Variants in PSMD7 observed in about 807,000 individuals in gnomAD.
PSMD7 encodes the protein 26S proteasome non-ATPase regulatory subunit 7.
In PSMD7, 13 loss-of-function variants were observed where a neutral mutation model predicts 36.4. The ratio of observed to expected loss-of-function variants is 0.36; its 90% CI spans 0.23 to 0.57. The LOEUF (loss-of-function observed/expected upper bound fraction) is 0.57, where lower values mean the gene tolerates loss of function less well. Ranked by LOEUF, PSMD7 falls within the 20% of genes least tolerant of loss-of-function variation. The pLI is 0.83. For synonymous variants in PSMD7, 186 were observed against 151.0 expected (o/e 1.23, Z -1.70); for missense variants, 298 against 393.6 (o/e 0.76, Z 2.06).
intron 5 of PSMD7, among the ~76,000 whole-genome samples, chr16:74,302,886 G>T (rs2034166218): frequency 6.6e-6 from 1 of 152,208 alleles, no homozygotes; most frequent in Admixed American, 6.5e-5. Context: ...GGATAGCTCT[G>T]TGCAAATGTT....
At position 74,301,686 on chromosome 16, in the gene PSMD7, A is replaced by AT. The variant is rs749922941; in HGVS notation, c.357+42dup. 64 of 1,561,652 alleles carry AT rather than the reference A, an allele frequency of 4.1e-5. 1 individual carries two copies. The highest frequency in any genetic ancestry group is 3.1e-4 in the South Asian group (28 of 89,056). On this transcript the variant is annotated intron_variant, in intron 4 of 6. Coordinates refer to ENST00000219313, the MANE Select transcript of PSMD7 (RefSeq NM_002811.5). The stretch of plus-strand genomic sequence containing the variant: ...TGTCTATTTTTAAAACTCTTGAATG[A>AT]TTTTTTTTGCCAGCCAGCTCAAGTA...
intron 6 of PSMD7, 95 bp from the exon 7 acceptor site, chr16:74,305,194 A>G: frequency 7.1e-7 from 1 of 1,417,706 alleles, no homozygotes; most frequent in Non-Finnish European, 9.2e-7. Flanking sequence ...GCCTCACCCA[A>G]CAAAGCTAGG....
intron 5 of PSMD7, 56 bp downstream of exon 5, chr16:74,302,348 GC>G: frequency 7.2e-7 from 1 of 1,392,570 alleles, no homozygotes; most frequent in Non-Finnish European, 1.0e-6. Context: ...TGGGTGATTA[GC>G]TTTTTTTTTT....
At chr16:74,299,340 A>G (rs2034137893) in intron 1 of PSMD7, among the ~76,000 whole-genome samples, 1 of 152,180 alleles carries the variant, frequency 6.6e-6, no homozygotes, top group Non-Finnish European at 1.5e-5. Context: ...AATGGAGATA[A>G]AAATTCTCAA....
intron 1 of PSMD7, 76 bp from the exon 2 acceptor site, chr16:74,300,039 C>G: frequency 8.0e-7 from 1 of 1,252,524 alleles, no homozygotes; most frequent in Non-Finnish European, 1.2e-6. Flanking sequence ...ATTGATATTT[C>G]CCATTGAGTA....
Position 74,304,261 on chromosome 16 carries a change from T to G in PSMD7, c.439-42T>G, listed in dbSNP as rs190286829. 7,380 of 1,571,132 alleles carry G rather than the reference T, an allele frequency of 4.7e-3. 18 individuals carry two copies. Among genetic ancestry groups the G allele is most frequent in the Non-Finnish European group, 5.8e-3 (6,645 of 1,141,462 alleles). ...GCGAAAAGGAACACATGTCAGTTCG[T>G]TTGTGGAAAATAAATAATTATAGTT... On this transcript the variant is annotated intron_variant, in intron 5 of 6. Coordinates refer to ENST00000219313, the MANE Select transcript of PSMD7 (RefSeq NM_002811.5).
chr16:74,304,672 G>A (rs1442302248), intron 6 of PSMD7: 1 of 300,454 alleles, frequency 3.3e-6, no homozygotes, highest in Non-Finnish European at 6.2e-6. Context: ...TTGACTGACG[G>A]GAAGAGAGGT....
chr16:74,303,097 T>G (rs1338722971), intron 5 of PSMD7, among the ~76,000 whole-genome samples: 1 of 152,162 alleles, frequency 6.6e-6, no homozygotes, highest in Non-Finnish European at 1.5e-5. Flanking sequence ...GCAAGGTGTT[T>G]TTAGTAGGGG....
Position 74,306,016 on chromosome 16 carries a change from A to T in PSMD7, c.*283A>T, listed in dbSNP as rs1452851459. The T allele has an allele frequency of 7.6e-6, 2 of 262,090 alleles. No homozygotes were observed. Among genetic ancestry groups the T allele is most frequent in the African/African-American group, 4.4e-5 (2 of 45,578 alleles). 16.2% of individuals were successfully genotyped at this position (262,090 alleles called of 1,614,324 possible). On this transcript the variant is annotated 3_prime_UTR_variant, in exon 7 of 7. Coordinates refer to ENST00000219313, the MANE Select transcript of PSMD7 (RefSeq NM_002811.5). ...AAGAGAAGTCAACAAATATTTTGGTACTCTTCATTCATTTATCTCTAAAAC... is the reference window on the plus strand; with the variant it reads ...AAGAGAAGTCAACAAATATTTTGGTTCTCTTCATTCATTTATCTCTAAAAC...
intron 2 of PSMD7, chr16:74,300,474 C>T (rs973359480): frequency 1.1e-5 from 5 of 457,610 alleles, no homozygotes; most frequent in Non-Finnish European, 1.2e-5. Flanking sequence ...ACAAAAGTGG[C>T]AGTATTCCAG....
chr16:74,301,742 A>G, intron 4 of PSMD7, 90 bp downstream of exon 4: 1 of 992,824 alleles, frequency 1.0e-6, no homozygotes, highest in Non-Finnish European at 1.6e-6. Context: ...TGAGTAGCAA[A>G]TCTGCTTACT....
chr16:74,304,315 A>G lies in PSMD7; in HGVS notation c.451A>G (p.Thr151Ala). 2.5e-6 allele frequency: 4 copies of G among 1,614,080 alleles called. No individual in the cohort carries two copies. Among genetic ancestry groups the G allele is most frequent in the African/African-American group, 1.3e-5 (1 of 75,068 alleles). Residue 151 changes from threonine to alanine, a missense_variant, in exon 6 of 7, where the codon ACC becomes GCC. Transcript: ENST00000219313. Reference protein sequence around the residue: ...VEEVHDDGTPTSKTFEHVTSE... With the variant: ...VEEVHDDGTPASKTFEHVTSE... ...CTTCCTCTCCCAGGATGGAACTCCA[A>G]CCTCGAAAACATTTGAACACGTGAC...
chr16:74,298,608 A>G (rs2034132446), intron 1 of PSMD7, among the ~76,000 whole-genome samples: 1 of 152,160 alleles, frequency 6.6e-6, no homozygotes, highest in Non-Finnish European at 1.5e-5. Context: ...CATGCCTATA[A>G]TCCTAGCACT....
intron 6 of PSMD7, 162 bp downstream of exon 6, chr16:74,304,556 T>A: frequency 1.8e-6 from 1 of 564,906 alleles, no homozygotes; most frequent in South Asian, 2.6e-5. Flanking sequence ...CAGACCTTTG[T>A]TTTATTGTCT....
chr16:74,302,408 T>C (rs2034162849), intron 5 of PSMD7, 116 bp downstream of exon 5: 2 of 821,590 alleles, frequency 2.4e-6, no homozygotes, highest in East Asian at 5.2e-5. Context: ...AAGAAGGTAG[T>C]TTTTTTCCCT....
chr16:74,299,648 C>T (rs1431113239), intron 1 of PSMD7: 6 of 432,194 alleles, frequency 1.4e-5, no homozygotes, highest in Non-Finnish European at 2.8e-5. Flanking sequence ...CCCACCTCAG[C>T]CTCTCGAAGT....
At chr16:74,305,092 GATAAA>G in intron 6 of PSMD7, 192 bp from the exon 7 acceptor site, 2 of 709,394 alleles carry the variant, frequency 2.8e-6, no homozygotes, top group South Asian at 2.7e-5. Flanking sequence ...TGATGAGAAA[GATAAA>G]ATGTGTTCCA....
intron 6 of PSMD7, among the ~76,000 whole-genome samples, chr16:74,304,911 A>G (rs773820365): frequency 6.6e-6 from 1 of 152,242 alleles, no homozygotes; most frequent in Non-Finnish European, 1.5e-5. Context: ...GCATGTAGAG[A>G]AAATGCCATC....
At position 74,297,958 on chromosome 16, in the gene PSMD7, CA is replaced by C. The variant is rs376866101; in HGVS notation, c.74+981del. On this transcript the variant is annotated intron_variant, in intron 1 of 6. Coordinates refer to ENST00000219313, the MANE Select transcript of PSMD7 (RefSeq NM_002811.5). ...ATGGGAATCTGATTAGACTCCGTCT[CA>C]AAAAAAAAAATGTATATATAGATGA... is the stretch of plus-strand genomic sequence containing the variant. Among the ~76,000 whole-genome samples the C allele has an allele frequency of 2.0e-3, 291 of 143,696 alleles. 1 individual carries two copies. Among genetic ancestry groups the C allele is most frequent in the African/African-American group, 6.4e-3 (252 of 39,108 alleles). The allele number at this position is 143,696 out of a possible 152,430, so 94.3% of individuals were successfully genotyped here.
Sources: gnomAD v4.1 joint callset for allele counts (sites outside exome capture counted in the v4.1 genomes callset) on GRCh38, gnomAD v4.1.1 for gene constraint, MANE v1.5 for transcripts, NCBI Gene and HGNC (gene_info 2026-07-23, HGNC 2026-07-21) for gene names.